The following CDC14B variants were observed in gnomAD, a reference collection of about 807,000 sequenced individuals.
The protein encoded by CDC14B is cell division cycle 14B.
A neutral mutation model predicts 64.2 loss-of-function variants in CDC14B; 22 were observed. That is an observed-to-expected ratio of 0.34 (90% CI 0.24 to 0.49). The LOEUF (loss-of-function observed/expected upper bound fraction) is 0.49, where lower values mean the gene tolerates loss of function less well. CDC14B is among the 20% of genes least tolerant of loss of function. The pLI, the probability that CDC14B is intolerant of heterozygous loss-of-function variation, is 0.99. For synonymous variants in CDC14B, 191 were observed against 215.8 expected (o/e 0.89, Z 1.01); for missense variants, 498 against 629.9 (o/e 0.79, Z 2.24).
intron 1 of CDC14B, among the ~76,000 whole-genome samples, chr9:96,595,538 A>G: frequency 6.6e-6 from 1 of 152,236 alleles, no homozygotes; most frequent in East Asian, 1.9e-4. Flanking sequence ...TAACAGCACT[A>G]TTCATAATAG....
At chr9:96,551,110 G>GTTTTTTTTTTTTTTTTTT (rs1841741325) in intron 5 of CDC14B, among the ~76,000 whole-genome samples, 24 of 65,936 alleles carry the variant, frequency 3.6e-4, no homozygotes, top group Admixed American at 8.3e-4. Flanking sequence ...TTTGGGGTTT[G>GTTTTTTTTTTTTTTTTTT]CTTTTTTTTT....
chr9:96,531,766 A>T (rs998915941), intron 9 of CDC14B, among the ~76,000 whole-genome samples: 2 of 152,244 alleles, frequency 1.3e-5, no homozygotes, highest in African/African-American at 4.8e-5. Flanking sequence ...ATAACAAGTT[A>T]CAGTAATAAT....
chr9:96,552,552 CA>C (rs1841967377), intron 4 of CDC14B, among the ~76,000 whole-genome samples: 1 of 152,022 alleles, frequency 6.6e-6, no homozygotes. Context: ...TTTTGGTCTG[CA>C]GTCATTTCCT....
chr9:96,594,983 T>C (rs1845991839), intron 1 of CDC14B, among the ~76,000 whole-genome samples: 1 of 152,066 alleles, frequency 6.6e-6, no homozygotes, highest in South Asian at 2.1e-4. Context: ...AAACCCCGTC[T>C]CTACTAAAAT....
At chr9:96,547,043 C>A (rs1841016882) in intron 5 of CDC14B, among the ~76,000 whole-genome samples, 2 of 151,822 alleles carry the variant, frequency 1.3e-5, no homozygotes, top group South Asian at 2.1e-4. Context: ...GCCTGGGCGA[C>A]AGAGCAAGAC....
chr9:96,618,229 G>T (rs995492997), intron 1 of CDC14B, among the ~76,000 whole-genome samples: 2 of 152,156 alleles, frequency 1.3e-5, no homozygotes, highest in Non-Finnish European at 2.9e-5. Flanking sequence ...TTTATCAAAG[G>T]CTAGGGGCTG....
intron 1 of CDC14B, among the ~76,000 whole-genome samples, chr9:96,609,126 G>A (rs1258508193): frequency 6.6e-6 from 1 of 152,060 alleles, no homozygotes; most frequent in East Asian, 1.9e-4. Flanking sequence ...CAACACGCCT[G>A]GCTAATTTTG....
Position 96,550,904 on chromosome 9 carries a change from T to C in CDC14B, c.497+892A>G, listed in dbSNP as rs1841703430. On this transcript the variant is annotated intron_variant, in intron 5 of 13. Coordinates refer to ENST00000375241, the MANE Select transcript of CDC14B (RefSeq NM_033331.4). ...GGAACACAGTGACTTGACTGGTTTTTCTGGAAGTGGTACTGCATTAGCAAC... is the reference window on the plus strand; with the variant it reads ...GGAACACAGTGACTTGACTGGTTTTCCTGGAAGTGGTACTGCATTAGCAAC... Among the ~76,000 whole-genome samples, 3 of 152,320 alleles carry C rather than the reference T, an allele frequency of 2.0e-5. No individual in the cohort carries two copies. In the South Asian group the frequency reaches 6.2e-4, roughly 32 times the overall value.
At chr9:96,594,675 C>A (rs1564380106) in intron 1 of CDC14B, among the ~76,000 whole-genome samples, 1 of 146,466 alleles carries the variant, frequency 6.8e-6, no homozygotes. Context: ...GGAGATTGCG[C>A]CACTGCACTC....
At chr9:96,532,145 C>T (rs1587846531) in intron 9 of CDC14B, among the ~76,000 whole-genome samples, 1 of 152,066 alleles carries the variant, frequency 6.6e-6, no homozygotes, top group Non-Finnish European at 1.5e-5. Flanking sequence ...TATCTCGTTA[C>T]GATAATACTA....
At chr9:96,606,401 C>T (rs954786798) in intron 1 of CDC14B, among the ~76,000 whole-genome samples, 8 of 150,020 alleles carry the variant, frequency 5.3e-5, no homozygotes, top group Admixed American at 5.3e-4. Flanking sequence ...CTAAGAGTTC[C>T]AGCCAGGTGC....
chr9:96,544,313 T>C (rs572634788), intron 5 of CDC14B, among the ~76,000 whole-genome samples: 6 of 152,318 alleles, frequency 3.9e-5, no homozygotes, highest in African/African-American at 1.4e-4. Context: ...ATTCCACAAA[T>C]GTTAGAATAA....
At chr9:96,538,392 T>A (rs983328088) in intron 7 of CDC14B, among the ~76,000 whole-genome samples, 2 of 152,054 alleles carry the variant, frequency 1.3e-5, no homozygotes, top group Non-Finnish European at 2.9e-5. Flanking sequence ...AAAACAAGAA[T>A]ATTGCTTCTG....
intron 1 of CDC14B, among the ~76,000 whole-genome samples, chr9:96,577,266 A>G (rs1844870700): frequency 6.7e-6 from 1 of 150,180 alleles, no homozygotes; most frequent in South Asian, 2.1e-4. Context: ...AAAAAAAAAA[A>G]GTTTTGATGA....
rs949151993 is a variant in CDC14B, at chr9:96,534,497, T to C, written c.673A>G (p.Ile225Val). 1.9e-5 allele frequency: 31 copies of C among 1,613,458 alleles called. No individual in the cohort carries two copies. Among genetic ancestry groups the C allele is most frequent in the Non-Finnish European group, 2.3e-5 (27 of 1,179,520 alleles). Residue 225 changes from isoleucine (I) to valine (V), a missense_variant, in exon 8 of 14, where the codon ATT becomes GTT. Ile to Val is a conservative substitution (Grantham distance 29). Transcript: ENST00000375241. The stretch of plus-strand genomic sequence containing the variant: ...CTTGAATGAGGTCCACAGAAGGCAA[T>C]AAATCGGTCTGGTATTATCCAATTT... ...DLNWIIPDRF[I>V]AFCGPHSRAR... is the part of the protein sequence containing the mutation.
intron 1 of CDC14B, among the ~76,000 whole-genome samples, chr9:96,603,584 C>T (rs568719956): frequency 2.6e-5 from 4 of 152,164 alleles, no homozygotes; most frequent in Non-Finnish European, 5.9e-5. Flanking sequence ...CACTGACATT[C>T]GAGAAACTGC....
chr9:96,523,527 C>A, intron 10 of CDC14B, 60 bp downstream of exon 10: 1 of 1,607,680 alleles, frequency 6.2e-7, no homozygotes, highest in Non-Finnish European at 8.5e-7. Context: ...AAATTCCACT[C>A]CCCATCAGAT....
chr9:96,529,778 G>A (rs1313440654), intron 9 of CDC14B, among the ~76,000 whole-genome samples: 4 of 134,808 alleles, frequency 3.0e-5, no homozygotes, highest in African/African-American at 1.6e-4. Flanking sequence ...CAGGTGTTAA[G>A]CTACCATGCC....
intron 1 of CDC14B, among the ~76,000 whole-genome samples, chr9:96,601,815 A>T (rs1432258818): frequency 1.4e-5 from 2 of 143,520 alleles, no homozygotes; most frequent in Non-Finnish European, 3.0e-5. Flanking sequence ...AAAAAAAAAA[A>T]TTGGGAGGCC....
Sources: allele counts gnomAD v4.1 joint callset (sites outside exome capture counted in the v4.1 genomes callset), GRCh38; gene constraint gnomAD v4.1.1; transcripts MANE v1.5; gene names NCBI Gene and HGNC (gene_info 2026-07-23, HGNC 2026-07-21).